GPI: variants seen among roughly 807,000 people sequenced by gnomAD.
GPI encodes the protein glucose-6-phosphate isomerase.
A neutral mutation model predicts 75.8 loss-of-function variants in GPI; 56 were observed. The ratio of observed to expected loss-of-function variants is 0.74; its 90% CI spans 0.60 to 0.92. The LOEUF is 0.92. GPI is among the 40% of genes least tolerant of loss of function. The pLI is 0.00. For synonymous variants in GPI, 288 were observed against 285.4 expected (o/e 1.01, Z -0.09); for missense variants, 638 against 741.0 (o/e 0.86, Z 1.61).
In GPI at chr19:34,396,326, A is replaced by G; in HGVS notation, c.1088A>G (p.Tyr363Cys). ...GGCGACATGGAGTCCAATGGGAAAT[A>G]CATCACCAAATCTGGAACCCGTGTG... ...QQGDMESNGK[Y>C]ITKSGTRVDH... The change falls in exon 13 of 18, where the codon TAC becomes TGC. Residue 363 changes from tyrosine (Y) to cysteine (C), a missense_variant. Transcript: ENST00000356487. The G allele has an allele frequency of 6.2e-7, 1 of 1,614,160 alleles. No individual in the cohort carries two copies. Among genetic ancestry groups the G allele is most frequent in the Non-Finnish European group, 8.5e-7 (1 of 1,180,006 alleles).
Position 34,377,491 on chromosome 19 carries a change from C to T in GPI, c.403-12C>T, listed in dbSNP as rs1231506066. 2.5e-6 allele frequency: 4 copies of T among 1,603,966 alleles called. No individual in the cohort carries two copies. The highest frequency in any genetic ancestry group is 3.3e-5 in the Admixed American group (2 of 59,874). On this transcript the variant is annotated splice_polypyrimidine_tract_variant and intron_variant, in intron 4 of 17. Transcript: ENST00000356487. ...GGGGTTTGGGCTGATGGCATCTTCGCCCCTGTGCCAGCGTGTCCGGAGCGG... is the reference window on the plus strand; with the variant it reads ...GGGGTTTGGGCTGATGGCATCTTCGTCCCTGTGCCAGCGTGTCCGGAGCGG...
chr19:34,384,679 GTC>G (rs1210560922), intron 9 of GPI, among the ~76,000 whole-genome samples: 6 of 152,134 alleles, frequency 3.9e-5, no homozygotes, highest in African/African-American at 1.4e-4. Context: ...ATAGAGCCAG[GTC>G]TCTCAGGAGG....
rs1431298634 is a variant in GPI, at chr19:34,374,857, T to C, written c.403-2646T>C. Among the ~76,000 whole-genome samples, 5 of 151,682 alleles carry C rather than the reference T, an allele frequency of 3.3e-5. No individual in the cohort carries two copies. In the East Asian group the frequency reaches 5.9e-4, roughly 18 times the overall value. Reference sequence around the variant, plus strand: ...CAATTCCCCACCTCAACCTTCTAAGTTGCTGGGACTACAGGCACATGTCAC... The same window carrying C: ...CAATTCCCCACCTCAACCTTCTAAGCTGCTGGGACTACAGGCACATGTCAC... On this transcript the variant is annotated intron_variant, in intron 4 of 17. Coordinates refer to ENST00000356487, the MANE Select transcript of GPI (RefSeq NM_000175.5).
At chr19:34,380,122 G>A (rs1007850990) in intron 8 of GPI, among the ~76,000 whole-genome samples, 4 of 149,422 alleles carry the variant, frequency 2.7e-5, no homozygotes, top group Non-Finnish European at 5.9e-5. Context: ...TTAGCCTCCC[G>A]AGTAGCTGGG....
chr19:34,371,047 G>A (rs1446490318), intron 4 of GPI, among the ~76,000 whole-genome samples: 2 of 152,236 alleles, frequency 1.3e-5, no homozygotes, highest in African/African-American at 4.8e-5. Context: ...TGGCAGAGCT[G>A]AAGTGCATTA....
chr19:34,400,709 T>C lies in GPI; in HGVS notation c.*673T>C, dbSNP rs1426408668. ...CAAGACGCTCAGGTAGTTCTTTTGCTTTAAAAGGCAGATATTGAAAACTGG... is the reference window on the plus strand; with the variant it reads ...CAAGACGCTCAGGTAGTTCTTTTGCCTTAAAAGGCAGATATTGAAAACTGG... On this transcript the variant is annotated 3_prime_UTR_variant, in exon 18 of 18. Coordinates refer to ENST00000356487, the MANE Select transcript of GPI (RefSeq NM_000175.5). 2.5e-6 allele frequency: 1 copy of C among 400,936 alleles called. No homozygotes were observed. The highest frequency in any genetic ancestry group is 4.4e-6 in the Non-Finnish European group (1 of 227,744). 24.8% of individuals were successfully genotyped at this position (400,936 alleles called of 1,614,324 possible). A position where few individuals can be genotyped will look rare whatever the true frequency, so the allele number is the denominator to read the frequency against.
chr19:34,395,821 C>A (rs555816286), intron 12 of GPI, among the ~76,000 whole-genome samples: 1 of 151,460 alleles, frequency 6.6e-6, no homozygotes, highest in Non-Finnish European at 1.5e-5. Context: ...AGCATCTGGG[C>A]AGGACTTTGG....
chr19:34,369,790 C>T (rs2074424257), intron 4 of GPI, among the ~76,000 whole-genome samples: 1 of 151,880 alleles, frequency 6.6e-6, no homozygotes, highest in Non-Finnish European at 1.5e-5. Context: ...CCAGGCGCAG[C>T]AGCTCATACC....
chr19:34,379,132 C>A, intron 7 of GPI, 127 bp downstream of exon 7: 1 of 815,798 alleles, frequency 1.2e-6, no homozygotes, highest in Non-Finnish European at 2.2e-6. Context: ...TTGCCGGTGC[C>A]TGCCTTTGCT....
At chr19:34,363,307 CAA>C (rs540200488), upstream of GPI, 29 of 130,032 alleles carry the variant, frequency 2.2e-4, no homozygotes, top group Non-Finnish European at 2.0e-4. Context: ...GACCCTGTCT[CAA>C]AAAAAAAAAA....
chr19:34,396,884 C>T lies in GPI; in HGVS notation c.1269+227C>T, dbSNP rs192163060. Among the ~76,000 whole-genome samples, 466 of 152,332 alleles carry T rather than the reference C, an allele frequency of 3.1e-3. 2 individuals carry two copies. The highest frequency in any genetic ancestry group is 6.0e-3 in the Non-Finnish European group (407 of 68,034). On this transcript the variant is annotated intron_variant, in intron 14 of 17. Coordinates refer to ENST00000356487, the MANE Select transcript of GPI (RefSeq NM_000175.5). ...GGAGTGCAGTGGCACGATCTTGGCT[C>T]ACTGCAACCTTCCCCTCCCGGCCTC... is the stretch of plus-strand genomic sequence containing the variant.
At chr19:34,385,115 G>A (rs1024850597) in intron 9 of GPI, among the ~76,000 whole-genome samples, 3 of 150,956 alleles carry the variant, frequency 2.0e-5, no homozygotes, top group African/African-American at 7.3e-5. Context: ...CAAGGTGGGT[G>A]GATCATCTGA....
In GPI at chr19:34,365,670, C is replaced by T. The variant is rs189951344; in HGVS notation, c.122+282C>T. 1.2e-4 allele frequency: 75 copies of T among 603,162 alleles called. 1 individual carries two copies. In the East Asian group the frequency reaches 1.8e-3, roughly 15 times the overall value. The allele number at this position is 603,162 out of a possible 1,614,324, so 37.4% of individuals were successfully genotyped here. A position where few individuals can be genotyped will look rare whatever the true frequency, so the allele number is the denominator to read the frequency against. On this transcript the variant is annotated intron_variant, in intron 1 of 17. Transcript: ENST00000356487. ...GACATTTCCCCTCCTCCTCCCCGTG[C>T]AGCTCTGGCCATTTGAGCAGGGGCT...
intron 4 of GPI, among the ~76,000 whole-genome samples, chr19:34,369,257 C>A (rs1226523083): frequency 6.6e-6 from 1 of 151,830 alleles, no homozygotes; most frequent in African/African-American, 2.4e-5. Context: ...CCATGTTGGC[C>A]AGGCTGGTCT....
intron 9 of GPI, chr19:34,392,194 T>TGGGAACTGGCACAAGTATGAGGATC (rs1402050175): frequency 5.9e-5 from 3 of 50,806 alleles, no homozygotes; most frequent in East Asian, 6.3e-4. Context: ...TCTGAGGAGG[T>TGGGAACTGGCACAAGTATGAGGATC]TGGATCTGGC....
At chr19:34,378,911 A>G (rs1042160120) in intron 6 of GPI, 23 bp from the exon 7 acceptor site, 9 of 1,606,446 alleles carry the variant, frequency 5.6e-6, no homozygotes, top group Non-Finnish European at 6.0e-6. Context: ...TCGGGCGCCC[A>G]CTGCTGTTCT....
intron 8 of GPI, chr19:34,381,112 G>C (rs1242740964): frequency 2.6e-6 from 1 of 387,356 alleles, no homozygotes; most frequent in East Asian, 5.9e-5. Context: ...TCGGTTCCCA[G>C]ATGTCCAGGG....
chr19:34,364,932 A>C, upstream of GPI: 1 of 1,517,220 alleles, frequency 6.6e-7, no homozygotes, highest in Non-Finnish European at 8.8e-7. Context: ...TGCAGCCTCC[A>C]ACACCTGGGC....
chr19:34,399,852 G>T (rs761229256), intron 17 of GPI, 49 bp from the exon 18 acceptor site: 1 of 1,613,658 alleles, frequency 6.2e-7, no homozygotes. Context: ...CAGTAGCAAC[G>T]TTAGAGCCTT....
Sources: allele counts gnomAD v4.1 joint callset (sites outside exome capture counted in the v4.1 genomes callset), GRCh38; gene constraint gnomAD v4.1.1; transcripts MANE v1.5; gene names NCBI Gene and HGNC (gene_info 2026-07-23, HGNC 2026-07-21).